Variants in ARMC9 observed in about 807,000 individuals in gnomAD.
ARMC9 encodes armadillo repeat containing 9.
A neutral mutation model predicts 107.0 loss-of-function variants in ARMC9; 94 were observed. The ratio of observed to expected loss-of-function variants is 0.88; its 90% CI spans 0.74 to 1.04. ARMC9 has a LOEUF of 1.04. ARMC9 is among the 50% of genes least tolerant of loss of function. The pLI is 0.00. For missense variants in ARMC9, 942 were observed against 1,030.1 expected, an observed-to-expected ratio of 0.91 and a Z score of 1.17; for synonymous variants, 380 against 396.9, an observed-to-expected ratio of 0.96 and a Z score of 0.51.
At chr2:231,364,805 A>T in intron 23 of ARMC9, among the ~76,000 whole-genome samples, 1 of 152,078 alleles carries the variant, frequency 6.6e-6, no homozygotes, top group Non-Finnish European at 1.5e-5. Flanking sequence ...TTCAAAAAAA[A>T]AAAAGAAAGA....
At chr2:231,337,933 CTT>C (rs1433380104) in intron 20 of ARMC9, among the ~76,000 whole-genome samples, 1 of 152,244 alleles carries the variant, frequency 6.6e-6, no homozygotes, top group Non-Finnish European at 1.5e-5. Context: ...ATCACTATCT[CTT>C]GTTGTCTTTC....
intron 23 of ARMC9, among the ~76,000 whole-genome samples, chr2:231,365,889 C>T (rs1027553577): frequency 6.6e-6 from 1 of 152,190 alleles, no homozygotes; most frequent in African/African-American, 2.4e-5. Flanking sequence ...ACCTCTGCCT[C>T]CCGGGTTCAA....
At chr2:231,347,264 G>T (rs1445041088) in intron 21 of ARMC9, among the ~76,000 whole-genome samples, 2 of 152,138 alleles carry the variant, frequency 1.3e-5, no homozygotes, top group Non-Finnish European at 2.9e-5. Context: ...TGATGCAGTC[G>T]CCCCGTCACC....
intron 23 of ARMC9, among the ~76,000 whole-genome samples, chr2:231,365,974 G>A (rs891761852): frequency 2.6e-5 from 4 of 152,146 alleles, no homozygotes; most frequent in African/African-American, 9.7e-5. Context: ...GGTCTGAGGA[G>A]GCTCATTCCC....
Position 231,214,851 on chromosome 2 carries a change from T to G in ARMC9, c.198T>G (p.Phe66Leu), listed in dbSNP as rs2033320619. 5 of 1,614,190 alleles carry G rather than the reference T, an allele frequency of 3.1e-6. No homozygotes were observed. The highest frequency in any genetic ancestry group is 4.2e-6 in the Non-Finnish European group (5 of 1,180,028). The stretch of plus-strand genomic sequence containing the variant: ...CACAGAAGGATCTTGTCGCTGCATT[T>G]GACAACGGAGACCAGAAGGTGTTCT... ...LTIQKDLVAA[F>L]DNGDQKVFFD... The change falls in exon 4 of 25, where the codon TTT becomes TTG. Residue 66 changes from phenylalanine (F) to leucine (L), a missense_variant. By Grantham distance (22) the Phe-to-Leu change is conservative. Coordinates refer to ENST00000611582, the MANE Select transcript of ARMC9 (RefSeq NM_001352754.2).
At chr2:231,260,224 G>A (rs544198805) in intron 11 of ARMC9, among the ~76,000 whole-genome samples, 1 of 152,264 alleles carries the variant, frequency 6.6e-6, no homozygotes, top group South Asian at 2.1e-4. Context: ...TTGATTGTCA[G>A]TGTCACACTT....
At chr2:231,310,850 G>T (rs531399974) in intron 19 of ARMC9, among the ~76,000 whole-genome samples, 1 of 152,224 alleles carries the variant, frequency 6.6e-6, no homozygotes, top group Admixed American at 6.5e-5. Flanking sequence ...AAGCAGGCCA[G>T]GCACAGTGAC....
At chr2:231,363,492 G>A (rs1435772610) in intron 23 of ARMC9, among the ~76,000 whole-genome samples, 1 of 152,070 alleles carries the variant, frequency 6.6e-6, no homozygotes, top group Non-Finnish European at 1.5e-5. Flanking sequence ...TACTTAGCCC[G>A]GCTTTCAGGT....
chr2:231,261,211 A>C (rs999454313), intron 11 of ARMC9, among the ~76,000 whole-genome samples: 1 of 152,006 alleles, frequency 6.6e-6, no homozygotes, highest in African/African-American at 2.4e-5. Flanking sequence ...ATATTTGCTC[A>C]CTCTGTTACA....
chr2:231,256,511 T>G, intron 9 of ARMC9, 75 bp from the exon 10 acceptor site: 1 of 1,545,810 alleles, frequency 6.5e-7, no homozygotes, highest in Non-Finnish European at 8.9e-7. Flanking sequence ...TTCCATGCTA[T>G]TAGGGTGATT....
chr2:231,279,777 T>C (rs575564513), intron 16 of ARMC9, among the ~76,000 whole-genome samples: 1 of 152,234 alleles, frequency 6.6e-6, no homozygotes, highest in Non-Finnish European at 1.5e-5. Context: ...CCCAAAATGC[T>C]GGGATTACAA....
intron 20 of ARMC9, among the ~76,000 whole-genome samples, chr2:231,338,067 C>T (rs1033716409): frequency 9.2e-5 from 14 of 152,152 alleles, no homozygotes; most frequent in Non-Finnish European, 1.8e-4. Context: ...CTTAGCGTGG[C>T]CCTGCCTGCC....
At chr2:231,337,287 TA>T (rs1559481360) in intron 20 of ARMC9, among the ~76,000 whole-genome samples, 17 of 59,178 alleles carry the variant, frequency 2.9e-4, no homozygotes, top group African/African-American at 8.9e-4. Flanking sequence ...TATATATATA[TA>T]TATTTTTTTT....
chr2:231,342,516 C>T (rs1193599943), intron 20 of ARMC9, among the ~76,000 whole-genome samples: 1 of 151,892 alleles, frequency 6.6e-6, no homozygotes, highest in Non-Finnish European at 1.5e-5. Flanking sequence ...TGACTGTTTC[C>T]CCTTTTCCAG....
intron 9 of ARMC9, chr2:231,256,001 C>G: frequency 8.0e-7 from 1 of 1,248,174 alleles, no homozygotes; most frequent in South Asian, 1.5e-5. Context: ...GATTGCGCCA[C>G]TGCTCTCCAG....
chr2:231,321,254 G>A (rs17625594), intron 19 of ARMC9, among the ~76,000 whole-genome samples: 23,056 of 152,230 alleles, frequency 0.15, 3,993 homozygotes, highest in African/African-American at 0.42. Flanking sequence ...GTCTGCTGGA[G>A]TGGAGGTTCC....
In ARMC9 at chr2:231,235,397, A is replaced by G. The variant is rs752537996; in HGVS notation, c.780+16A>G. 1.9e-6 allele frequency: 3 copies of G among 1,613,854 alleles called. No homozygotes were observed. The Admixed American group carries it at 5.0e-5, about 27-fold the overall frequency. On this transcript the variant is annotated intron_variant, in intron 8 of 24. Transcript: ENST00000611582. ...CGGCAAGATGGTAAGGAAGATCCCT[A>G]ATTGTGTGTATGTCTGTTTGGCAAT...
At position 231,259,111 on chromosome 2, in the gene ARMC9, C is replaced by T; in HGVS notation, c.1026+9C>T. The T allele has an allele frequency of 6.2e-7, 1 of 1,606,384 alleles. No homozygotes were observed. The highest frequency in any genetic ancestry group is 8.5e-7 in the Non-Finnish European group (1 of 1,174,300). ...TGCAGGCTCTGCGCTGGGTAGGTAC[C>T]TTTGTCTTAAAGTTAGAAAACAAAA... On this transcript the variant is annotated intron_variant, in intron 11 of 24. Transcript: ENST00000611582.
At chr2:231,273,241 A>G (rs950330567) in intron 14 of ARMC9, among the ~76,000 whole-genome samples, 163 bp downstream of exon 14, 3 of 152,228 alleles carry the variant, frequency 2.0e-5, no homozygotes, top group Non-Finnish European at 4.4e-5. Context: ...CCACTAAACT[A>G]TCCTGCGCAA....
Sources: gnomAD v4.1 joint callset for allele counts (sites outside exome capture counted in the v4.1 genomes callset) on GRCh38, gnomAD v4.1.1 for gene constraint, MANE v1.5 for transcripts, NCBI Gene and HGNC (gene_info 2026-07-23, HGNC 2026-07-21) for gene names.